RBM26: variants seen among roughly 807,000 people sequenced by gnomAD.
RBM26 encodes RNA binding motif protein 26, also known as RNA-binding protein 26.
RBM26 carries 30 observed loss-of-function variants against 123.6 expected under a neutral mutation model. The ratio of observed to expected loss-of-function variants is 0.24; its 90% CI spans 0.18 to 0.33. RBM26 has a LOEUF of 0.33. RBM26 is among the 10% of genes least tolerant of loss of function. RBM26 has a pLI of 1.00. For synonymous variants in RBM26, 400 were observed against 404.4 expected, an observed-to-expected ratio of 0.99 and a Z score of 0.13; for missense variants, 947 against 1,203.6, an observed-to-expected ratio of 0.79 and a Z score of 3.15.
chr13:79,381,599 C>T (rs925999682), intron 1 of RBM26, among the ~76,000 whole-genome samples: 3 of 151,916 alleles, frequency 2.0e-5, no homozygotes, highest in African/African-American at 7.3e-5. Context: ...CAACGAAATA[C>T]CAAATCTATT....
At chr13:79,344,378 T>C in intron 15 of RBM26, 56 bp from the exon 16 acceptor site, 2 of 1,312,758 alleles carry the variant, frequency 1.5e-6, no homozygotes, top group South Asian at 2.4e-5. Flanking sequence ...AACAATATTA[T>C]TCAAGAGAAG....
intron 14 of RBM26, among the ~76,000 whole-genome samples, chr13:79,348,695 G>C (rs1200689727): frequency 6.6e-6 from 1 of 152,148 alleles, no homozygotes; most frequent in Non-Finnish European, 1.5e-5. Context: ...AGTTTTCATA[G>C]TAAGTAGTCA....
At chr13:79,346,238 C>G (rs1462845287) in intron 14 of RBM26, among the ~76,000 whole-genome samples, 1 of 152,044 alleles carries the variant, frequency 6.6e-6, no homozygotes, top group Non-Finnish European at 1.5e-5. Context: ...CATCACAAAT[C>G]GCTATTCTAA....
intron 1 of RBM26, among the ~76,000 whole-genome samples, chr13:79,403,915 ACTC>A (rs748365233): frequency 6.6e-6 from 1 of 151,458 alleles, no homozygotes; most frequent in Non-Finnish European, 1.5e-5. Context: ...CATTTCATAA[ACTC>A]CTCTCTTTTG....
chr13:79,319,294 C>T lies in RBM26; in HGVS notation c.*1327G>A, dbSNP rs578212212. 3.3e-5 allele frequency: 32 copies of T among 982,958 alleles called. No individual in the cohort carries two copies. In the East Asian group the frequency reaches 3.4e-3, roughly 105 times the overall value. The allele number at this position is 982,958 out of a possible 1,614,324, so 60.9% of individuals were successfully genotyped here. ...TTTTTTAATATTATCACTATAATCT[C>T]AAGAGAGGCAGAAACACTTGCAATC... On this transcript the variant is annotated 3_prime_UTR_variant, in exon 22 of 22. Transcript: ENST00000438737.
At chr13:79,340,186 C>T (rs916080326) in intron 18 of RBM26, among the ~76,000 whole-genome samples, 6 of 151,530 alleles carry the variant, frequency 4.0e-5, no homozygotes, top group Non-Finnish European at 8.9e-5. Flanking sequence ...AAAAAAAATA[C>T]TGGGCAGGAC....
rs2075249879 is a variant in RBM26, at chr13:79,366,156, A to G, written c.1175T>C (p.Met392Thr). The change falls in exon 8 of 22, where the codon ATG becomes ACG. Residue 392 changes from methionine (M) to threonine (T), a missense_variant. Physicochemically the swap from Met to Thr is moderately conservative, Grantham distance 81. Around this residue, in one of 5 missense-constraint regions of RBM26, gnomAD observed 493 missense variants for 563.1 expected, o/e 0.88. Coordinates refer to ENST00000438737, the MANE Select transcript of RBM26 (RefSeq NM_001366735.2). ...GGTTGCAGAGTTTGGAGGAGCATCC[A>G]TGCCAGATGGCTGCAAAGGAGGAAG... is the stretch of plus-strand genomic sequence containing the variant. Reference protein sequence around the residue: ...PPLPPLQPSGMDAPPNSATSS... With the variant: ...PPLPPLQPSGTDAPPNSATSS... 1 of 1,613,832 alleles carries G rather than the reference A, an allele frequency of 6.2e-7. No homozygotes were observed. The highest frequency in any genetic ancestry group is 8.5e-7 in the Non-Finnish European group (1 of 1,179,852).
chr13:79,362,619 C>T (rs372099869), intron 9 of RBM26, among the ~76,000 whole-genome samples: 3 of 152,090 alleles, frequency 2.0e-5, no homozygotes, highest in East Asian at 1.9e-4. Context: ...TTCCAAGGAC[C>T]GGTTCTGCAA....
chr13:79,395,661 C>A (rs576750344), intron 1 of RBM26, among the ~76,000 whole-genome samples: 1 of 152,114 alleles, frequency 6.6e-6, no homozygotes, highest in South Asian at 2.1e-4. Context: ...AAAAGAATCC[C>A]TTGAGCCCAG....
At chr13:79,371,634 T>C (rs757307079) in intron 4 of RBM26, among the ~76,000 whole-genome samples, 9 of 151,894 alleles carry the variant, frequency 5.9e-5, no homozygotes, top group Non-Finnish European at 1.3e-4. Flanking sequence ...AAGCAGCTAA[T>C]ATATGTCAAG....
chr13:79,355,349 G>A lies in RBM26; in HGVS notation c.1725C>T (p.Ile575=), dbSNP rs749845364. 1 of 1,613,712 alleles carries A rather than the reference G, an allele frequency of 6.2e-7. No homozygotes were observed. The change falls in exon 12 of 22, where the codon ATC becomes ATT. Residue 575 remains isoleucine (I), a synonymous_variant. Transcript: ENST00000438737. ...TTGCTTCTTCGTATGTTGCAAATTG[G>A]ATTAGGGCACCTTCAGGATCACCAT... is the stretch of plus-strand genomic sequence containing the variant. ...AYNGDPEGAL[I]QFATYEEAKK... is the part of the protein sequence containing the mutation.
rs542018235 is a variant in RBM26 at position 79,331,521 on chromosome 13, C to T, written c.2820+2823G>A. Among the ~76,000 whole-genome samples the T allele has an allele frequency of 3.3e-5, 5 of 150,612 alleles. No individual in the cohort carries two copies. The East Asian group carries it at 9.9e-4, about 30-fold the overall frequency. Reference sequence around the variant, plus strand: ...TGGTGGCAGGCACCTCTAGTCCCAGCTACTCGGGAGGCTGAGGCAGGAGAA... The same window carrying T: ...TGGTGGCAGGCACCTCTAGTCCCAGTTACTCGGGAGGCTGAGGCAGGAGAA... On this transcript the variant is annotated intron_variant, in intron 20 of 21. Transcript: ENST00000438737.
intron 14 of RBM26, among the ~76,000 whole-genome samples, chr13:79,349,532 A>G (rs953623569): frequency 3.3e-5 from 5 of 152,202 alleles, no homozygotes; most frequent in Non-Finnish European, 7.3e-5. Context: ...TGCTACACAA[A>G]TAGCTTAGTT....
At chr13:79,317,378 T>C (rs887853440), downstream of RBM26, among the ~76,000 whole-genome samples, 24 of 151,680 alleles carry the variant, frequency 1.6e-4, no homozygotes, top group South Asian at 8.3e-4. Flanking sequence ...AAGGAAACTA[T>C]AGATGTAAAA....
rs2075262209 is a variant in RBM26 at position 79,366,279 on chromosome 13, T to C, written c.1136-84A>G. ...TGCACATCCGAACATAATCTTCTCA[T>C]TTATCAAACTATAATATCTACAAAC... On this transcript the variant is annotated intron_variant, in intron 7 of 21. Transcript: ENST00000438737. 17 of 1,373,190 alleles carry C rather than the reference T, an allele frequency of 1.2e-5. No individual in the cohort carries two copies. In the South Asian group the frequency reaches 2.4e-4, roughly 19 times the overall value. 85.1% of individuals were successfully genotyped at this position (1,373,190 alleles called of 1,614,324 possible). A position where few individuals can be genotyped will look rare whatever the true frequency, so the allele number is the denominator to read the frequency against.
intron 1 of RBM26, among the ~76,000 whole-genome samples, chr13:79,381,759 G>A (rs1389055195): frequency 6.6e-6 from 1 of 152,004 alleles, no homozygotes; most frequent in East Asian, 1.9e-4. Flanking sequence ...CAGAATTAAA[G>A]AAGAATCTCT....
At chr13:79,323,382 G>A (rs1048090915) in intron 20 of RBM26, among the ~76,000 whole-genome samples, 2 of 151,472 alleles carry the variant, frequency 1.3e-5, no homozygotes, top group African/African-American at 4.8e-5. Context: ...TTTTAAACCT[G>A]CACATATAAA....
At chr13:79,339,816 C>A (rs7332367) in intron 18 of RBM26, among the ~76,000 whole-genome samples, 1 of 151,882 alleles carries the variant, frequency 6.6e-6, no homozygotes, top group East Asian at 1.9e-4. Flanking sequence ...AGCCTAAGAA[C>A]CTTTTTTCAC....
chr13:79,373,205 A>T (rs1201160876), intron 3 of RBM26, among the ~76,000 whole-genome samples: 3 of 112,566 alleles, frequency 2.7e-5, no homozygotes, highest in African/African-American at 1.1e-4. Flanking sequence ...AATATATAAA[A>T]ATATATAAAT....
Sources: allele counts gnomAD v4.1 joint callset (sites outside exome capture counted in the v4.1 genomes callset), GRCh38; gene constraint gnomAD v4.1.1; regional missense constraint gnomAD v4.1.1; transcripts MANE v1.5; gene names NCBI Gene and HGNC (gene_info 2026-07-23, HGNC 2026-07-21).